EXOG: variants seen among roughly 807,000 people sequenced by gnomAD.
EXOG encodes nuclease EXOG, mitochondrial.
In EXOG, 27 loss-of-function variants were observed where a neutral mutation model predicts 25.8. The ratio of observed to expected loss-of-function variants is 1.05; its 90% CI spans 0.77 to 1.45. The LOEUF (loss-of-function observed/expected upper bound fraction) is 1.45. EXOG is among the 40% of genes most tolerant of loss of function. The pLI, the probability that EXOG is intolerant of heterozygous loss-of-function variation, is 0.00. For missense variants in EXOG, 458 were observed against 450.5 expected (o/e 1.02, Z -0.15); for synonymous variants, 133 against 167.0 (o/e 0.80, Z 1.57).
chr3:38,504,669 C>T (rs536103785), intron 4 of EXOG, among the ~76,000 whole-genome samples: 4 of 152,184 alleles, frequency 2.6e-5, no homozygotes, highest in South Asian at 2.1e-4. Context: ...CTCCTGACCT[C>T]GTGATTTGCC....
Position 38,506,807 on chromosome 3 carries a change from C to T in EXOG, c.531-47C>T. ...ATTGATATGATTTGCTGCTGTCTTA[C>T]ATGTATATATGTGAGAATATCATAC... On this transcript the variant is annotated intron_variant, in intron 4 of 5. Transcript: ENST00000287675. 3.4e-6 allele frequency: 3 copies of T among 885,976 alleles called. No individual in the cohort carries two copies. The Middle Eastern group carries it at 6.6e-4, about 196-fold the overall frequency. 54.9% of individuals were successfully genotyped at this position (885,976 alleles called of 1,614,324 possible). A position where few individuals can be genotyped will look rare whatever the true frequency, so the allele number is the denominator to read the frequency against.
At chr3:38,498,257 A>C (rs2059950791) in intron 2 of EXOG, among the ~76,000 whole-genome samples, 1 of 152,222 alleles carries the variant, frequency 6.6e-6, no homozygotes, top group Admixed American at 6.5e-5. Context: ...AGTATAATTA[A>C]GGAACAGTAA....
At chr3:38,506,401 G>A (rs2060202832) in intron 4 of EXOG, among the ~76,000 whole-genome samples, 1 of 152,038 alleles carries the variant, frequency 6.6e-6, no homozygotes, top group African/African-American at 2.4e-5. Context: ...AATTCATTCA[G>A]TAATTCTGGT....
chr3:38,506,417 A>C (rs2060203490), intron 4 of EXOG, among the ~76,000 whole-genome samples: 1 of 152,234 alleles, frequency 6.6e-6, no homozygotes, highest in Admixed American at 6.5e-5. Context: ...CTGGTCCTTG[A>C]AATTTATCCT....
chr3:38,523,917 A>G lies in EXOG; in HGVS notation c.662A>G (p.Asn221Ser), dbSNP rs2060801127. 1.3e-6 allele frequency: 2 copies of G among 1,548,222 alleles called. No individual in the cohort carries two copies. Among genetic ancestry groups the G allele is most frequent in the Middle Eastern group, 1.7e-4 (1 of 5,748 alleles). The stretch of plus-strand genomic sequence containing the variant: ...TGTTTTTAGGTGATTGGCGAGGACA[A>G]CGTGGCAGTCCCCTCACACCTTTAT... Reference protein sequence around the residue: ...IVSYQVIGEDNVAVPSHLYKV... With the variant: ...IVSYQVIGEDSVAVPSHLYKV... The change falls in exon 6 of 6, where the codon AAC becomes AGC. Residue 221 changes from asparagine (N) to serine (S), a missense_variant. Asn to Ser is a conservative substitution (Grantham distance 46, BLOSUM62 1). Around this residue, in one of 3 missense-constraint regions of EXOG, gnomAD observed 178 missense variants for 203.7 expected, o/e 0.87. Transcript: ENST00000287675.
At position 38,525,491 on chromosome 3, in the gene EXOG, G is replaced by A. The variant is rs2060847484; in HGVS notation, c.*1129G>A. On this transcript the variant is annotated 3_prime_UTR_variant, in exon 6 of 6. Transcript: ENST00000287675. The stretch of plus-strand genomic sequence containing the variant: ...CTCCTTAGCTCTGTGGAAAGAGACA[G>A]TCAGGAATATTTGGGAATTAGACGG... The A allele has an allele frequency of 1.0e-6, 1 of 985,292 alleles. No individual in the cohort carries two copies. Among genetic ancestry groups the A allele is most frequent in the South Asian group, 4.7e-5 (1 of 21,288 alleles). The allele number at this position is 985,292 out of a possible 1,614,324, so 61.0% of individuals were successfully genotyped here. A position where few individuals can be genotyped will look rare whatever the true frequency, so the allele number is the denominator to read the frequency against.
chr3:38,509,986 C>T lies in EXOG; in HGVS notation c.645+3018C>T, dbSNP rs539530763. ...TGTTTTATGAGGAATAGGGTATTTA[C>T]ATAATCTAAAAGTATCTCCTCATAC... On this transcript the variant is annotated intron_variant, in intron 5 of 5. Coordinates refer to ENST00000287675, the MANE Select transcript of EXOG (RefSeq NM_005107.4). Among the ~76,000 whole-genome samples, 3 of 152,280 alleles carry T rather than the reference C, an allele frequency of 2.0e-5. No homozygotes were observed. The East Asian group carries it at 5.8e-4, about 29-fold the overall frequency.
chr3:38,506,285 AT>A (rs2060200346), intron 4 of EXOG, among the ~76,000 whole-genome samples: 1 of 152,200 alleles, frequency 6.6e-6, no homozygotes. Flanking sequence ...TTGTATTTTA[AT>A]TTTTTAGAGT....
intron 3 of EXOG, among the ~76,000 whole-genome samples, chr3:38,502,095 A>G (rs2060063525): frequency 6.6e-6 from 1 of 151,938 alleles, no homozygotes; most frequent in South Asian, 2.1e-4. Context: ...GGTGTTTTGT[A>G]TTTTTAGTAG....
chr3:38,525,345 C>T lies in EXOG; in HGVS notation c.*983C>T. 2.0e-6 allele frequency: 2 copies of T among 985,266 alleles called. No individual in the cohort carries two copies. Among genetic ancestry groups the T allele is most frequent in the Non-Finnish European group, 2.4e-6 (2 of 829,802 alleles). The allele number at this position is 985,266 out of a possible 1,614,324, so 61.0% of individuals were successfully genotyped here. On this transcript the variant is annotated 3_prime_UTR_variant, in exon 6 of 6. Transcript: ENST00000287675. ...TTCTGACATGGATGGTGGCTTTTTA[C>T]TCAGAAATATATACCTATTTCCATG...
intron 2 of EXOG, chr3:38,499,820 ATAGTGGCGAATTGC>A (rs2125749547): frequency 2.7e-6 from 1 of 374,898 alleles, no homozygotes; most frequent in South Asian, 2.0e-5. Context: ...AGCCAGCAGC[ATAGTGGCGAATTGC>A]TAGGTTAGTG....
At chr3:38,501,949 GTCTC>G (rs1482815207) in intron 3 of EXOG, among the ~76,000 whole-genome samples, 2 of 152,074 alleles carry the variant, frequency 1.3e-5, no homozygotes, top group Non-Finnish European at 2.9e-5. Flanking sequence ...TTGAGATGGA[GTCTC>G]TCTCTGTCAC....
At chr3:38,511,348 A>G (rs1407727098) in intron 5 of EXOG, among the ~76,000 whole-genome samples, 1 of 152,202 alleles carries the variant, frequency 6.6e-6, no homozygotes, top group Non-Finnish European at 1.5e-5. Flanking sequence ...AGAAACCATG[A>G]CAGAGAAAGT....
chr3:38,500,135 A>G (rs1035939493), intron 2 of EXOG: 2 of 155,932 alleles, frequency 1.3e-5, no homozygotes, highest in Non-Finnish European at 2.8e-5. Context: ...GAAAGGTCAA[A>G]AGGAAGATAA....
At chr3:38,500,792 C>A (rs984416751) in intron 2 of EXOG, among the ~76,000 whole-genome samples, 2 of 152,046 alleles carry the variant, frequency 1.3e-5, no homozygotes, top group African/African-American at 2.4e-5. Flanking sequence ...CCCAGATATT[C>A]TGTTTTAGAA....
intron 2 of EXOG, chr3:38,500,080 C>T (rs1368767195): frequency 6.0e-6 from 1 of 165,896 alleles, no homozygotes; most frequent in Non-Finnish European, 1.3e-5. Flanking sequence ...ACTTCCCTGC[C>T]CACTCTTAGG....
intron 5 of EXOG, among the ~76,000 whole-genome samples, chr3:38,520,813 G>A (rs573703936): frequency 6.6e-6 from 1 of 152,314 alleles, no homozygotes; most frequent in East Asian, 1.9e-4. Flanking sequence ...TGGCTGTTAC[G>A]TATTTTGTAA....
chr3:38,497,809 C>T (rs2059939118), intron 2 of EXOG, 31 bp downstream of exon 2: 3 of 1,575,118 alleles, frequency 1.9e-6, no homozygotes, highest in Non-Finnish European at 2.6e-6. Flanking sequence ...ACTGAAGTAA[C>T]AGTATTTATG....
At chr3:38,508,965 A>C (rs1007859662) in intron 5 of EXOG, among the ~76,000 whole-genome samples, 3 of 152,116 alleles carry the variant, frequency 2.0e-5, no homozygotes, top group Non-Finnish European at 4.4e-5. Flanking sequence ...TAGATATGGG[A>C]GTGAAGGAAG....
Sources: gnomAD v4.1 joint callset for allele counts (sites outside exome capture counted in the v4.1 genomes callset) on GRCh38, gnomAD v4.1.1 for gene constraint, gnomAD v4.1.1 regional missense constraint, MANE v1.5 for transcripts, NCBI Gene and HGNC (gene_info 2026-07-23, HGNC 2026-07-21) for gene names.